LYSMD2: variants seen among roughly 807,000 people sequenced by gnomAD.
LYSMD2 encodes lysM and putative peptidoglycan-binding domain-containing protein 2.
Under a neutral mutation model 17.7 loss-of-function variants are expected in LYSMD2, and 6 were observed. The observed-to-expected ratio is 0.34, with a 90% CI of 0.19 to 0.67. The LOEUF is 0.67. LYSMD2 is among the 30% of genes least tolerant of loss of function. LYSMD2 has a pLI of 0.69. For synonymous variants in LYSMD2, 102 were observed against 129.8 expected (o/e 0.79, Z 1.45); for missense variants, 237 against 286.7 (o/e 0.83, Z 1.25).
In LYSMD2 at chr15:51,723,623, G is replaced by A; in HGVS notation, c.632C>T (p.Ser211Phe). ...CCAAATCACCTAACTGTGATAGAGGGAAGTTGCATAGGGACTTTCTTCATC... is the reference window on the plus strand; with the variant it reads ...CCAAATCACCTAACTGTGATAGAGGAAAGTTGCATAGGGACTTTCTTCATC... ...SRDEESPYAT[S>F]LYHS The change falls in exon 3 of 3, where the codon TCC (serine) becomes TTC (phenylalanine). Residue 211 changes from serine (S) to phenylalanine (F), a missense_variant. Coordinates refer to ENST00000267838, the MANE Select transcript of LYSMD2 (RefSeq NM_153374.3). 6.2e-7 allele frequency: 1 copy of A among 1,607,034 alleles called. No homozygotes were observed. The highest frequency in any genetic ancestry group is 8.5e-7 in the Non-Finnish European group (1 of 1,175,976).
intron 1 of LYSMD2, among the ~76,000 whole-genome samples, chr15:51,746,583 A>G (rs1192390466): frequency 6.6e-6 from 1 of 152,214 alleles, no homozygotes; most frequent in African/African-American, 2.4e-5. Context: ...TGAACTGTGC[A>G]TTTTAAAAAG....
chr15:51,726,998 A>G (rs567525397), intron 1 of LYSMD2, among the ~76,000 whole-genome samples: 4 of 152,334 alleles, frequency 2.6e-5, no homozygotes, highest in Non-Finnish European at 4.4e-5. Flanking sequence ...GGTTATTGCT[A>G]TAGCCTTCCT....
At chr15:51,750,064 G>A (rs561451638) in intron 1 of LYSMD2, among the ~76,000 whole-genome samples, 1 of 152,350 alleles carries the variant, frequency 6.6e-6, no homozygotes, top group East Asian at 1.9e-4. Context: ...ATCTGCTGGG[G>A]AAGGTATGGC....
At chr15:51,738,056 T>G (rs1595853024), upstream of LYSMD2, 1 of 150,250 alleles carries the variant, frequency 6.7e-6, no homozygotes. Context: ...AAAAAAAGCG[T>G]TGCTCTGCCT....
chr15:51,738,949 CCAAA>C (rs1438194028), upstream of LYSMD2, among the ~76,000 whole-genome samples: 5 of 152,194 alleles, frequency 3.3e-5, no homozygotes, highest in African/African-American at 1.2e-4. Flanking sequence ...CATATTCCTG[CCAAA>C]CAGAGCCTCT....
At chr15:51,732,246 C>T (rs2141595914) in intron 1 of LYSMD2, among the ~76,000 whole-genome samples, 1 of 152,282 alleles carries the variant, frequency 6.6e-6, no homozygotes, top group South Asian at 2.1e-4. Context: ...AGGGTCCGCT[C>T]AGCTCCATGG....
Position 51,737,583 on chromosome 15 carries a change from C to T in LYSMD2, c.40G>A (p.Gly14Ser), listed in dbSNP as rs1276678069. 2.3e-5 allele frequency: 28 copies of T among 1,217,692 alleles called. No individual in the cohort carries two copies. In the Admixed American group the frequency reaches 1.1e-3, roughly 49 times the overall value. The allele number at this position is 1,217,692 out of a possible 1,614,324, so 75.4% of individuals were successfully genotyped here. A position where few individuals can be genotyped will look rare whatever the true frequency, so the allele number is the denominator to read the frequency against. Residue 14 changes from glycine (G) to serine (S), a missense_variant, in exon 1 of 3, where the codon GGC becomes AGC. Coordinates refer to ENST00000267838, the MANE Select transcript of LYSMD2 (RefSeq NM_153374.3). The surrounding 1 kb of genome is among the most constrained non-coding windows in gnomAD (Gnocchi z 4.2). ...SSPALSLREG[G>S]PRAPRPSAPS... ...GCCGAGGGCCGCGGCGCGCGGGGGC[C>T]GCCTTCCCGCAGGGACAGTGCGGGC...
chr15:51,750,002 C>T (rs1214691193), intron 1 of LYSMD2, among the ~76,000 whole-genome samples: 1 of 152,246 alleles, frequency 6.6e-6, no homozygotes, highest in East Asian at 1.9e-4. Flanking sequence ...CAGTGTTCAT[C>T]ATGCTAGTTC....
Position 51,737,262 on chromosome 15 carries a change from T to TGCCCCCCCCCCCCCCCCCCCCC in LYSMD2, c.273+87_273+88insGGGGGGGGGGGGGGGGGGGGGC. The TGCCCCCCCCCCCCCCCCCCCCC allele has an allele frequency of 1.5e-5, 2 of 134,040 alleles. No individual in the cohort carries two copies. Among genetic ancestry groups the TGCCCCCCCCCCCCCCCCCCCCC allele is most frequent in the Non-Finnish European group, 2.8e-5 (2 of 70,572 alleles). The allele number at this position is 134,040 out of a possible 1,614,324, so 8.3% of individuals were successfully genotyped here. A position where few individuals can be genotyped will look rare whatever the true frequency, so the allele number is the denominator to read the frequency against. On this transcript the variant is annotated intron_variant, in intron 1 of 2. Coordinates refer to ENST00000267838, the MANE Select transcript of LYSMD2 (RefSeq NM_153374.3). The surrounding 1 kb of genome is among the most constrained non-coding windows in gnomAD (Gnocchi z 4.2). Reference sequence around the variant, plus strand: ...CCATCCCCCAAACCCCCACCCGCAGTCCCACCCCCACCCCCACCGCACCCC... The same window carrying TGCCCCCCCCCCCCCCCCCCCCC: ...CCATCCCCCAAACCCCCACCCGCAGTGCCCCCCCCCCCCCCCCCCCCCCCCACCCCCACCCCCACCGCACCCC...
intron 1 of LYSMD2, among the ~76,000 whole-genome samples, chr15:51,729,381 G>C (rs2055562131): frequency 1.3e-5 from 2 of 152,232 alleles, no homozygotes; most frequent in South Asian, 4.1e-4. Flanking sequence ...AGAGGCACCT[G>C]CCATAGCACA....
chr15:51,725,648 A>C (rs73405339), intron 1 of LYSMD2, among the ~76,000 whole-genome samples: 1,667 of 152,246 alleles, frequency 0.011, 18 homozygotes, highest in African/African-American at 0.025. Flanking sequence ...GGTTGTTGCA[A>C]GGATTAAATG....
intron 1 of LYSMD2, among the ~76,000 whole-genome samples, chr15:51,731,711 C>T (rs1315879589): frequency 1.3e-5 from 2 of 152,156 alleles, no homozygotes; most frequent in Admixed American, 1.3e-4. Context: ...GCCTCCTTTC[C>T]ACTTTCAGTT....
intron 1 of LYSMD2, among the ~76,000 whole-genome samples, chr15:51,746,563 T>G (rs2141603911): frequency 6.6e-6 from 1 of 152,326 alleles, no homozygotes; most frequent in Middle Eastern, 3.4e-3. Flanking sequence ...GTGAATATAC[T>G]AAAAACCATT....
chr15:51,732,810 T>G (rs1259510168), intron 1 of LYSMD2, among the ~76,000 whole-genome samples: 1 of 152,204 alleles, frequency 6.6e-6, no homozygotes, highest in Admixed American at 6.5e-5. Flanking sequence ...CCTCCTTCCT[T>G]CTCTACTGCT....
chr15:51,734,114 C>T (rs965186387), intron 1 of LYSMD2, among the ~76,000 whole-genome samples: 21 of 152,068 alleles, frequency 1.4e-4, no homozygotes, highest in Admixed American at 3.3e-4. Flanking sequence ...ACCCGGGAGG[C>T]GGAGGTTGCA....
At chr15:51,730,521 A>G (rs189609099) in intron 1 of LYSMD2, among the ~76,000 whole-genome samples, 42 of 152,294 alleles carry the variant, frequency 2.8e-4, no homozygotes, top group Non-Finnish European at 4.7e-4. Context: ...GTCTCAAAAA[A>G]AATTTTTTTT....
intron 1 of LYSMD2, among the ~76,000 whole-genome samples, chr15:51,746,276 G>A (rs1042962598): frequency 1.3e-5 from 2 of 152,060 alleles, no homozygotes; most frequent in Non-Finnish European, 2.9e-5. Flanking sequence ...CCATAAAAAA[G>A]AATAAAGTAC....
chr15:51,750,971 G>T (rs1416085130), intron 1 of LYSMD2, among the ~76,000 whole-genome samples: 1 of 152,212 alleles, frequency 6.6e-6, no homozygotes, highest in East Asian at 1.9e-4. Flanking sequence ...CTTTCACTGA[G>T]TATGCACTAA....
intron 1 of LYSMD2, among the ~76,000 whole-genome samples, chr15:51,748,393 A>C (rs1039466011): frequency 6.6e-6 from 1 of 151,722 alleles, no homozygotes; most frequent in African/African-American, 2.4e-5. Context: ...CCATGTTGTT[A>C]TCTGTTATAT....
Sources: gnomAD v4.1 joint callset for allele counts (sites outside exome capture counted in the v4.1 genomes callset) on GRCh38, gnomAD v4.1.1 for gene constraint, Gnocchi (gnomAD v3.1) non-coding constraint, MANE v1.5 for transcripts, NCBI Gene and HGNC (gene_info 2026-07-23, HGNC 2026-07-21) for gene names.